The following ZNF665 variants were observed in gnomAD, a reference collection of about 807,000 sequenced individuals.
ZNF665 encodes zinc finger protein 665.
A neutral mutation model predicts 7.9 loss-of-function variants in ZNF665; 6 were observed. That is an observed-to-expected ratio of 0.76 (90% CI 0.42 to 1.50). The LOEUF is 1.50. Ranked by LOEUF, ZNF665 falls within the 40% of genes most tolerant of loss-of-function variation. The pLI, the probability that ZNF665 is intolerant of heterozygous loss-of-function variation, is 0.01. For missense variants in ZNF665, 819 were observed against 806.7 expected, an observed-to-expected ratio of 1.02 and a Z score of -0.18; for synonymous variants, 242 against 274.5, an observed-to-expected ratio of 0.88 and a Z score of 1.17.
chr19:53,183,076 A>ACC, intron 1 of ZNF665, 133 bp from the exon 2 acceptor site: 1 of 979,132 alleles, frequency 1.0e-6, no homozygotes, highest in Non-Finnish European at 1.6e-6. Context: ...CACAGGGAAG[A>ACC]TGGTCCTCTG....
chr19:53,189,243 TC>T (rs1373962495), intron 1 of ZNF665, among the ~76,000 whole-genome samples: 2 of 151,900 alleles, frequency 1.3e-5, no homozygotes, highest in East Asian at 1.9e-4. Flanking sequence ...AGTGGGTCTC[TC>T]CCCGTGTGCA....
intron 2 of ZNF665, among the ~76,000 whole-genome samples, chr19:53,178,541 T>C (rs910833241): frequency 1.3e-5 from 2 of 152,054 alleles, no homozygotes; most frequent in Non-Finnish European, 2.9e-5. Context: ...CTGGGCAACA[T>C]AGCAAGACCT....
rs369280280 is a variant in ZNF665, at chr19:53,184,574, G to A, written c.-45-1631C>T. Among the ~76,000 whole-genome samples, 7 of 152,264 alleles carry A rather than the reference G, an allele frequency of 4.6e-5. No homozygotes were observed. In the South Asian group the frequency reaches 1.2e-3, roughly 27 times the overall value. Reference sequence around the variant, plus strand: ...AGAAGTCTGCAGGGAACAGGGAGCCGTGTAGGTGGGTTTAAAGCTGTGAGA... The same window carrying A: ...AGAAGTCTGCAGGGAACAGGGAGCCATGTAGGTGGGTTTAAAGCTGTGAGA... On this transcript the variant is annotated intron_variant, in intron 1 of 3. Coordinates refer to ENST00000396424, the MANE Select transcript of ZNF665 (RefSeq NM_024733.5).
intron 3 of ZNF665, among the ~76,000 whole-genome samples, chr19:53,173,369 A>ATT (rs2090672751): frequency 8.2e-5 from 6 of 72,812 alleles, no homozygotes; most frequent in African/African-American, 2.9e-4. Flanking sequence ...TTTTTTTTTC[A>ATT]CTCTTTTTTT....
intron 2 of ZNF665, among the ~76,000 whole-genome samples, chr19:53,176,908 T>A (rs921279647): frequency 2.0e-5 from 3 of 152,008 alleles, no homozygotes; most frequent in Admixed American, 6.6e-5. Context: ...TCACCTGAGG[T>A]CAGGAGTTCG....
At position 53,175,501 on chromosome 19, in the gene ZNF665, T is replaced by C. The variant is rs772954894; in HGVS notation, c.86A>G (p.Gln29Arg). The C allele has an allele frequency of 4.3e-6, 7 of 1,613,324 alleles. No homozygotes were observed. The highest frequency in any genetic ancestry group is 2.2e-5 in the South Asian group (2 of 90,988). The change falls in exon 3 of 4, where the codon CAG (glutamine) becomes CGG (arginine). Residue 29 changes from glutamine to arginine, a missense_variant. Transcript: ENST00000396424. ...QEEWTCLDPA[Q>R]KTLYRDVMLE... Reference sequence around the variant, plus strand: ...CATGACGTCCCTGTACAAAGTCTTCTGAGCAGGGTCCAGGCATGTCCACTC... The same window carrying C: ...CATGACGTCCCTGTACAAAGTCTTCCGAGCAGGGTCCAGGCATGTCCACTC...
intron 1 of ZNF665, among the ~76,000 whole-genome samples, chr19:53,188,841 G>C (rs2090791087): frequency 6.6e-6 from 1 of 151,938 alleles, no homozygotes; most frequent in African/African-American, 2.4e-5. Context: ...GGGATTAAAA[G>C]TGCACATCAC....
chr19:53,174,725 G>T (rs55767003), intron 3 of ZNF665, among the ~76,000 whole-genome samples: 1,941 of 152,176 alleles, frequency 0.013, 27 homozygotes, highest in African/African-American at 0.032. Context: ...GATCACCTGA[G>T]GTCAGGAGTT....
Position 53,182,834 on chromosome 19 carries a change from G to C in ZNF665, c.15+50C>G, listed in dbSNP as rs371569990. 9.7e-5 allele frequency: 156 copies of C among 1,613,354 alleles called. 2 individuals carry two copies. In the African/African-American group the frequency reaches 1.7e-3, roughly 17 times the overall value. On this transcript the variant is annotated intron_variant, in intron 2 of 3. Coordinates refer to ENST00000396424, the MANE Select transcript of ZNF665 (RefSeq NM_024733.5). ...GAAGATTCCCAACTCCAAGGTCCAA[G>C]GTTTCTGAAAGGAAGGAGACAGAAC...
intron 1 of ZNF665, among the ~76,000 whole-genome samples, chr19:53,185,278 G>A (rs544220170): frequency 1.9e-4 from 29 of 151,930 alleles, no homozygotes; most frequent in African/African-American, 5.8e-4. Flanking sequence ...GCTTGGCAAC[G>A]GACGTCTTCC....
In ZNF665 at chr19:53,166,072, G is replaced by A. The variant is rs2090612206; in HGVS notation, c.418C>T (p.Gln140Ter). ...TGTGACTGAAAGCTTACTCCAAGCT[G>A]ATTTTCAATATGCCTGTTTCCTGCA... The part of the protein sequence containing the change: ...RAAGNRHIEN[Q>*]LGVSFQSHLP... The change falls in exon 4 of 4, where the codon CAG becomes TAG. Residue 140 changes from glutamine to a stop codon, truncating the protein, a stop_gained. Coordinates refer to ENST00000396424, the MANE Select transcript of ZNF665 (RefSeq NM_024733.5). LOFTEE classifies it low-confidence loss of function (END_TRUNC). The A allele has an allele frequency of 1.9e-6, 3 of 1,614,134 alleles. No individual in the cohort carries two copies. The Middle Eastern group carries it at 4.9e-4, about 266-fold the overall frequency.
intron 3 of ZNF665, among the ~76,000 whole-genome samples, chr19:53,167,137 G>T (rs1417686890): frequency 1.3e-5 from 2 of 151,862 alleles, no homozygotes; most frequent in African/African-American, 2.4e-5. Flanking sequence ...GAGTAGCTGG[G>T]ATTACAGGCA....
At chr19:53,183,843 T>A (rs2090756846) in intron 1 of ZNF665, among the ~76,000 whole-genome samples, 1 of 151,878 alleles carries the variant, frequency 6.6e-6, no homozygotes, top group Non-Finnish European at 1.5e-5. Flanking sequence ...GGGGCCTGAG[T>A]GGCTGGAGCA....
At chr19:53,175,683 G>C in intron 2 of ZNF665, 112 bp from the exon 3 acceptor site, 2 of 1,205,356 alleles carry the variant, frequency 1.7e-6, no homozygotes, top group Admixed American at 4.8e-5. Context: ...TAAGCAGACT[G>C]ACACATCCAG....
intron 3 of ZNF665, among the ~76,000 whole-genome samples, chr19:53,167,459 TC>T (rs1416616252): frequency 2.0e-5 from 2 of 101,538 alleles, no homozygotes; most frequent in African/African-American, 2.6e-5. Flanking sequence ...ACAATTTCTC[TC>T]TCTTTTTTTT....
chr19:53,189,051 C>CTGTGTGTGTGTGTGTGTGTGTGTG (rs60689265), intron 1 of ZNF665, among the ~76,000 whole-genome samples: 3 of 137,754 alleles, frequency 2.2e-5, no homozygotes, highest in African/African-American at 7.8e-5. Flanking sequence ...GCTTTATTTT[C>CTGTGTGTGTGTGTGTGTGTGTGTG]TGTGTGTGTG....
At chr19:53,176,182 A>T (rs182450208) in intron 2 of ZNF665, among the ~76,000 whole-genome samples, 1 of 152,202 alleles carries the variant, frequency 6.6e-6, no homozygotes, top group Admixed American at 6.5e-5. Flanking sequence ...ATAAGAATAA[A>T]AATAAATAAA....
chr19:53,183,307 T>C (rs1199796271), intron 1 of ZNF665, among the ~76,000 whole-genome samples: 2 of 152,174 alleles, frequency 1.3e-5, no homozygotes, highest in East Asian at 1.9e-4. Flanking sequence ...CTGTGAGTCA[T>C]AGGCTGATCT....
intron 1 of ZNF665, among the ~76,000 whole-genome samples, chr19:53,189,375 C>T (rs944469576): frequency 4.6e-5 from 7 of 150,948 alleles, no homozygotes; most frequent in Admixed American, 2.6e-4. Flanking sequence ...TGTCTGGCTG[C>T]GCTGTTATTT....
Sources: gnomAD v4.1 joint callset for allele counts (sites outside exome capture counted in the v4.1 genomes callset) on GRCh38, gnomAD v4.1.1 for gene constraint, MANE v1.5 for transcripts, NCBI Gene and HGNC (gene_info 2026-07-23, HGNC 2026-07-21) for gene names.